The following UNC5C variants were observed in gnomAD, a reference collection of about 807,000 sequenced individuals.
The protein encoded by UNC5C is netrin receptor UNC5C.
In UNC5C, 47 loss-of-function variants were observed where a neutral mutation model predicts 99.8. That is an observed-to-expected ratio of 0.47 (90% CI 0.37 to 0.60). The LOEUF is 0.60. Among genes scored for constraint, UNC5C ranks in the 20% least tolerant of loss-of-function variants. The pLI is 0.00. For synonymous variants in UNC5C, 487 were observed against 452.2 expected (o/e 1.08, Z -0.98); for missense variants, 1,062 against 1,165.9 (o/e 0.91, Z 1.30).
chr4:95,247,620 G>C (rs768777153), intron 5 of UNC5C, among the ~76,000 whole-genome samples: 1 of 152,156 alleles, frequency 6.6e-6, no homozygotes, highest in Non-Finnish European at 1.5e-5. Flanking sequence ...CTGGTTAAAA[G>C]ACCCTCTGAA....
intron 13 of UNC5C, among the ~76,000 whole-genome samples, chr4:95,183,976 T>C (rs919627168): frequency 6.6e-6 from 1 of 152,220 alleles, no homozygotes; most frequent in Non-Finnish European, 1.5e-5. Flanking sequence ...TAGCTTTAAC[T>C]AATATCATAT....
intron 11 of UNC5C, among the ~76,000 whole-genome samples, chr4:95,204,517 T>G (rs190424724): frequency 6.6e-6 from 1 of 152,254 alleles, no homozygotes; most frequent in Admixed American, 6.5e-5. Context: ...AGGCCAAGTA[T>G]GGACAAAGCC....
intron 4 of UNC5C, among the ~76,000 whole-genome samples, chr4:95,254,892 A>G (rs1739897588): frequency 6.6e-6 from 1 of 152,106 alleles, no homozygotes; most frequent in African/African-American, 2.4e-5. Flanking sequence ...GTCTAGCTTT[A>G]TATATGATTC....
At chr4:95,239,514 C>T (rs1366682080) in intron 7 of UNC5C, among the ~76,000 whole-genome samples, 1 of 152,138 alleles carries the variant, frequency 6.6e-6, no homozygotes, top group Non-Finnish European at 1.5e-5. Flanking sequence ...CCCTGATTTC[C>T]AGTCCCCGGG....
intron 1 of UNC5C, among the ~76,000 whole-genome samples, chr4:95,506,873 T>C (rs1466456048): frequency 6.6e-6 from 1 of 151,848 alleles, no homozygotes. Context: ...ATGTTGAGGG[T>C]ACATTTGATT....
At chr4:95,244,053 C>T (rs556892068) in intron 6 of UNC5C, among the ~76,000 whole-genome samples, 7 of 152,134 alleles carry the variant, frequency 4.6e-5, no homozygotes, top group Admixed American at 4.6e-4. Context: ...GTATATCTCT[C>T]CAGTTCATTT....
intron 1 of UNC5C, among the ~76,000 whole-genome samples, chr4:95,416,110 C>A (rs576712484): frequency 1.3e-5 from 2 of 152,104 alleles, no homozygotes; most frequent in South Asian, 2.1e-4. Flanking sequence ...AGACAAATAG[C>A]TGGAGAATGG....
chr4:95,434,386 G>A (rs114125555), intron 1 of UNC5C, among the ~76,000 whole-genome samples: 1,672 of 151,958 alleles, frequency 0.011, 36 homozygotes, highest in African/African-American at 0.039. Flanking sequence ...CTCTGTACCC[G>A]ACAATGAAAC....
Position 95,168,853 on chromosome 4 carries a change from C to T in UNC5C, c.*381G>A, listed in dbSNP as rs1735962270. 1 of 170,896 alleles carries T rather than the reference C, an allele frequency of 5.9e-6. No individual in the cohort carries two copies. Among genetic ancestry groups the T allele is most frequent in the African/African-American group, 2.4e-5 (1 of 42,144 alleles). The allele number at this position is 170,896 out of a possible 1,614,324, so 10.6% of individuals were successfully genotyped here. ...CATGGACAGTGTCTGCATCCCTGTC[C>T]AATTTGATGTAAACAACATTTGTAG... is the stretch of plus-strand genomic sequence containing the variant. On this transcript the variant is annotated 3_prime_UTR_variant, in exon 16 of 16. Transcript: ENST00000453304.
intron 4 of UNC5C, among the ~76,000 whole-genome samples, chr4:95,275,505 G>A (rs1291373320): frequency 6.6e-6 from 1 of 152,000 alleles, no homozygotes; most frequent in African/African-American, 2.4e-5. Context: ...TAAATACTTT[G>A]GCCAAAGTAA....
chr4:95,428,516 G>A (rs1021761969), intron 1 of UNC5C, among the ~76,000 whole-genome samples: 1 of 152,094 alleles, frequency 6.6e-6, no homozygotes, highest in African/African-American at 2.4e-5. Flanking sequence ...GCCTTTGATA[G>A]GAGTGATAAT....
Position 95,484,224 on chromosome 4 carries a change from G to A in UNC5C, c.124+64510C>T, listed in dbSNP as rs761033804. Among the ~76,000 whole-genome samples the A allele has an allele frequency of 9.9e-5, 15 of 151,936 alleles. No homozygotes were observed. In the South Asian group the frequency reaches 2.3e-3, roughly 23 times the overall value. On this transcript the variant is annotated intron_variant, in intron 1 of 15. Coordinates refer to ENST00000453304, the MANE Select transcript of UNC5C (RefSeq NM_003728.4). ...CTTTGTGCTTCATAATAAGGACACTGGTTTTTCCTCTGAGTGAAAAATGCA... is the reference window on the plus strand; with the variant it reads ...CTTTGTGCTTCATAATAAGGACACTAGTTTTTCCTCTGAGTGAAAAATGCA...
intron 4 of UNC5C, among the ~76,000 whole-genome samples, chr4:95,274,242 C>A (rs1740770491): frequency 6.6e-6 from 1 of 152,114 alleles, no homozygotes; most frequent in African/African-American, 2.4e-5. Context: ...GGAAACAGTT[C>A]TGTATCTGTT....
At chr4:95,502,046 G>A (rs1322728941) in intron 1 of UNC5C, among the ~76,000 whole-genome samples, 2 of 151,996 alleles carry the variant, frequency 1.3e-5, no homozygotes, top group African/African-American at 4.8e-5. Context: ...CTAAAAGTAT[G>A]GCCCATTAGT....
intron 3 of UNC5C, among the ~76,000 whole-genome samples, chr4:95,283,222 T>C (rs1741123251): frequency 6.6e-6 from 1 of 152,208 alleles, no homozygotes; most frequent in Non-Finnish European, 1.5e-5. Flanking sequence ...TAGGCCCTTA[T>C]TTCCTAATTG....
rs1461180838 is a variant in UNC5C, at chr4:95,250,440, A to G, written c.775+47T>C. On this transcript the variant is annotated intron_variant, in intron 5 of 15. Transcript: ENST00000453304. ...CTAGCTTTACCGATGCCAACGAGAA[A>G]CTGCAGTTAAACATGAACTAGATTG... 3 of 1,562,604 alleles carry G rather than the reference A, an allele frequency of 1.9e-6. No homozygotes were observed. The African/African-American group carries it at 4.1e-5, about 22-fold the overall frequency.
At chr4:95,227,532 T>C (rs184642268) in intron 7 of UNC5C, among the ~76,000 whole-genome samples, 40 of 152,286 alleles carry the variant, frequency 2.6e-4, no homozygotes, top group African/African-American at 9.6e-4. Context: ...TAAAGGAGAT[T>C]CGATATGGAG....
chr4:95,309,887 A>T (rs1742215417), intron 2 of UNC5C, among the ~76,000 whole-genome samples: 1 of 152,224 alleles, frequency 6.6e-6, no homozygotes, highest in African/African-American at 2.4e-5. Flanking sequence ...AAAACAAAAC[A>T]AAACAGAAAT....
In UNC5C at chr4:95,212,335, G is replaced by A. The variant is rs3796457; in HGVS notation, c.1733+3789C>T. Among the ~76,000 whole-genome samples the A allele has an allele frequency of 3.0e-4, 45 of 151,936 alleles. 2 individuals carry two copies. The East Asian group carries it at 8.3e-3, about 28-fold the overall frequency. On this transcript the variant is annotated intron_variant, in intron 10 of 15. Coordinates refer to ENST00000453304, the MANE Select transcript of UNC5C (RefSeq NM_003728.4). ...TACATTTTTACTTTAATGACACCTC[G>A]TGTTGAGGCTCCATCTTGGAGCCCT...
Sources: allele counts gnomAD v4.1 joint callset (sites outside exome capture counted in the v4.1 genomes callset), GRCh38; gene constraint gnomAD v4.1.1; transcripts MANE v1.5; gene names NCBI Gene and HGNC (gene_info 2026-07-23, HGNC 2026-07-21).